Variants in LRMDA observed in about 807,000 individuals in gnomAD.
LRMDA encodes the protein leucine-rich melanocyte differentiation-associated protein.
LRMDA carries 18 observed loss-of-function variants against 29.8 expected under a neutral mutation model. That is an observed-to-expected ratio of 0.60 (90% confidence interval 0.42 to 0.90). The LOEUF (loss-of-function observed/expected upper bound fraction) is 0.90. LRMDA is among the 40% of genes least tolerant of loss of function. The pLI, the probability that LRMDA is intolerant of heterozygous loss-of-function variation, is 0.00. For missense variants in LRMDA, 273 were observed against 273.9 expected (o/e 1.00, Z 0.02); for synonymous variants, 125 against 109.4 (o/e 1.14, Z -0.89).
chr10:76,488,161 A>G (rs1842800568), intron 6 of LRMDA, among the ~76,000 whole-genome samples: 1 of 151,890 alleles, frequency 6.6e-6, no homozygotes, highest in Non-Finnish European at 1.5e-5. Flanking sequence ...TAACACTAGA[A>G]GAAAAAAATT....
chr10:75,736,901 A>T (rs1002594466), intron 2 of LRMDA, among the ~76,000 whole-genome samples: 2 of 152,188 alleles, frequency 1.3e-5, no homozygotes, highest in African/African-American at 4.8e-5. Context: ...GCCAACTGCC[A>T]GCTATTTAGC....
At chr10:75,870,009 C>T (rs7897918) in intron 2 of LRMDA, among the ~76,000 whole-genome samples, 1 of 152,178 alleles carries the variant, frequency 6.6e-6, no homozygotes, top group African/African-American at 2.4e-5. Context: ...TTATATGAAC[C>T]AGCCTTTCTC....
intron 2 of LRMDA, among the ~76,000 whole-genome samples, chr10:75,666,779 G>T (rs779693756): frequency 6.6e-5 from 10 of 152,050 alleles, no homozygotes; most frequent in African/African-American, 2.4e-4. Flanking sequence ...CACCAGTACT[G>T]CATAGTAGTG....
chr10:75,794,727 T>C (rs1314589661), intron 2 of LRMDA, among the ~76,000 whole-genome samples: 1 of 152,234 alleles, frequency 6.6e-6, no homozygotes, highest in African/African-American at 2.4e-5. Context: ...TACTGCCATT[T>C]GTATATCAAC....
chr10:76,199,964 C>A (rs1034838721), intron 5 of LRMDA, among the ~76,000 whole-genome samples: 1 of 151,980 alleles, frequency 6.6e-6, no homozygotes, highest in African/African-American at 2.4e-5. Context: ...GACTCCACTT[C>A]AAAAAAAATT....
intron 6 of LRMDA, among the ~76,000 whole-genome samples, chr10:76,453,343 T>A (rs1002570911): frequency 6.6e-6 from 1 of 152,222 alleles, no homozygotes; most frequent in South Asian, 2.1e-4. Flanking sequence ...AACTAAGGTG[T>A]AATGAAATCT....
rs1564642890 is a variant in LRMDA, at chr10:76,062,698, T to TGTGTGTGTG, written c.516+3915_516+3916insGTGTGTGTG. 9.8e-5 allele frequency among the ~76,000 whole-genome samples: 10 copies of TGTGTGTGTG among 101,916 alleles called. No homozygotes were observed. In the South Asian group the frequency reaches 1.7e-3, roughly 17 times the overall value. The allele number at this position is 101,916 out of a possible 152,430, so 66.9% of individuals were successfully genotyped here. ...TGTGTGTGTGTGTGTGTGTGTGTGTTATTAGTTGATGGACCTGCAACAGCT... is the reference window on the plus strand; with the variant it reads ...TGTGTGTGTGTGTGTGTGTGTGTGTTGTGTGTGTGATTAGTTGATGGACCTGCAACAGCT... On this transcript the variant is annotated intron_variant, in intron 5 of 6. Coordinates refer to ENST00000611255, the MANE Select transcript of LRMDA (RefSeq NM_001305581.2).
intron 2 of LRMDA, among the ~76,000 whole-genome samples, chr10:75,605,158 A>G (rs113874525): frequency 3.7e-4 from 57 of 152,362 alleles, no homozygotes; most frequent in African/African-American, 1.3e-3. Flanking sequence ...AATACTGTGC[A>G]GTGGAAAAGT....
chr10:76,440,583 T>C (rs1355826312), intron 6 of LRMDA, among the ~76,000 whole-genome samples: 1 of 152,132 alleles, frequency 6.6e-6, no homozygotes, highest in East Asian at 1.9e-4. Context: ...AGGGTTGTGG[T>C]GGATGATTTC....
At chr10:75,955,387 C>T (rs1319721929) in intron 2 of LRMDA, among the ~76,000 whole-genome samples, 1 of 152,170 alleles carries the variant, frequency 6.6e-6, no homozygotes, top group East Asian at 1.9e-4. Flanking sequence ...TGGGCTCTCA[C>T]CTGGAATCTG....
chr10:76,324,381 A>G lies in LRMDA; in HGVS notation c.517-20A>G. ...TGGTGTTTGGTGTTGCTTCATGTTGACTTTGCTTTTGTCACACAGGCTTCT... is the reference window on the plus strand; with the variant it reads ...TGGTGTTTGGTGTTGCTTCATGTTGGCTTTGCTTTTGTCACACAGGCTTCT... On this transcript the variant is annotated intron_variant, in intron 5 of 6. Coordinates refer to ENST00000611255, the MANE Select transcript of LRMDA (RefSeq NM_001305581.2). 1 of 1,612,324 alleles carries G rather than the reference A, an allele frequency of 6.2e-7. No homozygotes were observed. Among genetic ancestry groups the G allele is most frequent in the Non-Finnish European group, 8.5e-7 (1 of 1,178,428 alleles).
chr10:76,248,404 C>A (rs1852414521), intron 5 of LRMDA, among the ~76,000 whole-genome samples: 1 of 152,196 alleles, frequency 6.6e-6, no homozygotes, highest in African/African-American at 2.4e-5. Context: ...CAGACTCCAA[C>A]CCTAGCCTCA....
intron 2 of LRMDA, among the ~76,000 whole-genome samples, chr10:75,548,453 C>T (rs1176399240): frequency 6.6e-6 from 1 of 152,150 alleles, no homozygotes; most frequent in African/African-American, 2.4e-5. Flanking sequence ...AATTTTAATA[C>T]TCTGGGAGTG....
chr10:76,365,421 A>AT (rs1193442802), intron 6 of LRMDA, among the ~76,000 whole-genome samples: 1 of 151,570 alleles, frequency 6.6e-6, no homozygotes, highest in African/African-American at 2.4e-5. Flanking sequence ...CTGTTTTTTG[A>AT]TTTTTTTATT....
intron 2 of LRMDA, among the ~76,000 whole-genome samples, chr10:75,763,432 T>C (rs1843121867): frequency 6.6e-6 from 1 of 152,198 alleles, no homozygotes; most frequent in African/African-American, 2.4e-5. Context: ...TGAGAAGTTA[T>C]GATTGATGGT....
At chr10:75,932,605 C>CTT (rs1337725943) in intron 2 of LRMDA, among the ~76,000 whole-genome samples, 1 of 151,900 alleles carries the variant, frequency 6.6e-6, no homozygotes, top group South Asian at 2.1e-4. Flanking sequence ...GAGTGAGACT[C>CTT]TATCTCAAAC....
At chr10:76,073,091 T>C (rs989377467) in intron 5 of LRMDA, among the ~76,000 whole-genome samples, 14 of 152,224 alleles carry the variant, frequency 9.2e-5, no homozygotes, top group African/African-American at 3.4e-4. Context: ...TTGTACATTA[T>C]ATTTGAGCCT....
chr10:76,011,946 C>T (rs183350472), intron 2 of LRMDA, among the ~76,000 whole-genome samples: 142 of 152,318 alleles, frequency 9.3e-4, no homozygotes, highest in African/African-American at 3.2e-3. Context: ...CTTCCCTTTG[C>T]TCCCTTCCCA....
chr10:75,912,544 A>G (rs1352658668), intron 2 of LRMDA, among the ~76,000 whole-genome samples: 1 of 152,166 alleles, frequency 6.6e-6, no homozygotes, highest in African/African-American at 2.4e-5. Flanking sequence ...TGGGAGGAAT[A>G]TGAGGCATAT....
Sources: gnomAD v4.1 joint callset for allele counts (sites outside exome capture counted in the v4.1 genomes callset) on GRCh38, gnomAD v4.1.1 for gene constraint, MANE v1.5 for transcripts, NCBI Gene and HGNC (gene_info 2026-07-23, HGNC 2026-07-21) for gene names.